The following GCSAML variants were observed in gnomAD, a reference collection of about 807,000 sequenced individuals.
GCSAML encodes the protein germinal center-associated signaling and motility-like protein.
A neutral mutation model predicts 13.0 loss-of-function variants in GCSAML; 9 were observed. The observed-to-expected ratio is 0.69, with a 90% CI of 0.42 to 1.21. The LOEUF (loss-of-function observed/expected upper bound fraction) is 1.21. Ranked by LOEUF, GCSAML falls within the 50% of genes most tolerant of loss-of-function variation. GCSAML has a pLI of 0.00. For missense variants in GCSAML, 143 were observed against 153.4 expected, an observed-to-expected ratio of 0.93 and a Z score of 0.36; for synonymous variants, 37 against 52.9, an observed-to-expected ratio of 0.70 and a Z score of 1.31.
At chr1:247,539,037 C>A (rs1232656686) in intron 2 of GCSAML, among the ~76,000 whole-genome samples, 1 of 152,162 alleles carries the variant, frequency 6.6e-6, no homozygotes, top group Non-Finnish European at 1.5e-5. Flanking sequence ...AAACCCATGG[C>A]ACCGTATGCC....
At chr1:247,509,921 T>C (rs910572955) in intron 1 of GCSAML, among the ~76,000 whole-genome samples, 1 of 152,190 alleles carries the variant, frequency 6.6e-6, no homozygotes, top group Non-Finnish European at 1.5e-5. Flanking sequence ...TTATTGAGGA[T>C]TTTTGCTTCG....
At chr1:247,541,292 G>A (rs1162885338) in intron 2 of GCSAML, among the ~76,000 whole-genome samples, 3 of 152,144 alleles carry the variant, frequency 2.0e-5, no homozygotes, top group Admixed American at 6.6e-5. Context: ...CAGCAACTGA[G>A]CTTCTCAGAA....
chr1:247,547,514 T>C (rs771917877), upstream of GCSAML, among the ~76,000 whole-genome samples: 3 of 152,240 alleles, frequency 2.0e-5, no homozygotes, highest in Non-Finnish European at 2.9e-5. Flanking sequence ...ATTTGAGGAT[T>C]AATGAGCTTA....
chr1:247,553,114 ATCT>A (rs1437153202), intron 1 of GCSAML, among the ~76,000 whole-genome samples: 2 of 152,050 alleles, frequency 1.3e-5, no homozygotes, highest in Non-Finnish European at 2.9e-5. Context: ...CTTTATTCAA[ATCT>A]TCTTTAATGC....
At chr1:247,573,109 C>T (rs1051592466) in intron 4 of GCSAML, among the ~76,000 whole-genome samples, 1 of 152,228 alleles carries the variant, frequency 6.6e-6, no homozygotes, top group Admixed American at 6.5e-5. Context: ...TGCTGGGCTC[C>T]ATGGTGGTGG....
chr1:247,560,905 C>T (rs557349412), intron 2 of GCSAML, among the ~76,000 whole-genome samples: 22 of 152,146 alleles, frequency 1.4e-4, no homozygotes, highest in Admixed American at 6.6e-4. Flanking sequence ...TATTTTATGA[C>T]TTTTCTCTCA....
chr1:247,531,555 T>A (rs752103895), intron 2 of GCSAML: 1 of 1,612,930 alleles, frequency 6.2e-7, no homozygotes, highest in African/African-American at 1.3e-5. Flanking sequence ...GTCTCTAAAT[T>A]TGCGCCAGCT....
Position 247,560,207 on chromosome 1 carries a change from A to G in GCSAML, c.90-3383A>G, listed in dbSNP as rs150179922. ...GGCTGGAGCCTCGGAACGACAGATA[A>G]CTGAGTGGCTGAATTCCCCATTCAC... On this transcript the variant is annotated intron_variant, in intron 2 of 4. Transcript: ENST00000366488. Among the ~76,000 whole-genome samples, 291 of 152,300 alleles carry G rather than the reference A, an allele frequency of 1.9e-3. 2 individuals carry two copies. The highest frequency in any genetic ancestry group is 6.6e-3 in the African/African-American group (274 of 41,554).
At chr1:247,549,302 G>A (rs1459519480) in intron 1 of GCSAML, 82 bp downstream of exon 1, 13 of 1,209,878 alleles carry the variant, frequency 1.1e-5, no homozygotes, top group South Asian at 3.9e-5. Flanking sequence ...ATTTGTAATG[G>A]TGAGGTACAT....
intron 1 of GCSAML, among the ~76,000 whole-genome samples, chr1:247,512,055 C>T (rs183571260): frequency 2.0e-4 from 31 of 152,234 alleles, no homozygotes; most frequent in Non-Finnish European, 3.5e-4. Context: ...GTTGGCCTGC[C>T]TTGCTAGGTT....
rs561585007 is a variant in GCSAML, at chr1:247,557,465, G to A, written c.89+999G>A. On this transcript the variant is annotated intron_variant, in intron 2 of 4. Coordinates refer to ENST00000366488, the MANE Select transcript of GCSAML (RefSeq NM_145278.5). Reference sequence around the variant, plus strand: ...CTTGTTGGTTAACTGTAGGCTTTTCGTATTCTTGCACTAAGCTCTTTTTTA... The same window carrying A: ...CTTGTTGGTTAACTGTAGGCTTTTCATATTCTTGCACTAAGCTCTTTTTTA... Among the ~76,000 whole-genome samples the A allele has an allele frequency of 5.8e-4, 88 of 152,234 alleles. 1 individual carries two copies. The highest frequency in any genetic ancestry group is 2.1e-3 in the African/African-American group (86 of 41,548).
rs1046023351 is a variant in GCSAML at position 247,556,488 on chromosome 1, G to GT, written c.89+29dup. 1.0e-5 allele frequency: 16 copies of GT among 1,566,442 alleles called. No homozygotes were observed. The Admixed American group carries it at 1.4e-4, about 14-fold the overall frequency. ...AACGGTAAGAACAGAGCATCTCAGA[G>GT]TTTTTTTGTTTTGTTTTGTTTTGTT... On this transcript the variant is annotated intron_variant, in intron 2 of 4. Coordinates refer to ENST00000366488, the MANE Select transcript of GCSAML (RefSeq NM_145278.5).
At chr1:247,543,802 T>G (rs1667483575) in intron 2 of GCSAML, among the ~76,000 whole-genome samples, 1 of 152,086 alleles carries the variant, frequency 6.6e-6, no homozygotes, top group African/African-American at 2.4e-5. Flanking sequence ...TAAAAAAATT[T>G]TTTTAGAGAC....
At chr1:247,550,034 A>G (rs1667712604) in intron 1 of GCSAML, among the ~76,000 whole-genome samples, 1 of 152,158 alleles carries the variant, frequency 6.6e-6, no homozygotes. Context: ...ATATGACTGG[A>G]CAAAAAGGGT....
At chr1:247,512,722 C>T (rs1357299398) in intron 1 of GCSAML, among the ~76,000 whole-genome samples, 4 of 152,058 alleles carry the variant, frequency 2.6e-5, no homozygotes, top group African/African-American at 4.8e-5. Context: ...TTGATGTTGA[C>T]GCTATTCCTT....
At chr1:247,550,167 G>C (rs1667717946) in intron 1 of GCSAML, among the ~76,000 whole-genome samples, 1 of 152,182 alleles carries the variant, frequency 6.6e-6, no homozygotes, top group African/African-American at 2.4e-5. Context: ...GGACTCTCTG[G>C]AATGGGGGCT....
At chr1:247,540,492 GC>G (rs1250920235) in intron 2 of GCSAML, among the ~76,000 whole-genome samples, 1 of 152,216 alleles carries the variant, frequency 6.6e-6, no homozygotes, top group Admixed American at 6.5e-5. Context: ...ACGTATTGAA[GC>G]ATTCTACATG....
At chr1:247,549,292 A>C in intron 1 of GCSAML, 72 bp downstream of exon 1, 1 of 1,302,316 alleles carries the variant, frequency 7.7e-7, no homozygotes, top group South Asian at 1.3e-5. Flanking sequence ...GACATAACGC[A>C]TTTGTAATGG....
At position 247,549,235 on chromosome 1, in the gene GCSAML, T is replaced by C; in HGVS notation, c.29+15T>C. 2 of 1,609,524 alleles carry C rather than the reference T, an allele frequency of 1.2e-6. No individual in the cohort carries two copies. Among genetic ancestry groups the C allele is most frequent in the Non-Finnish European group, 8.5e-7 (1 of 1,175,936 alleles). ...CGAAAACTCAGGTGAGTCTTGACTCTTGGTGCCGCCTTTCTTGGGAGAAAG... is the reference window on the plus strand; with the variant it reads ...CGAAAACTCAGGTGAGTCTTGACTCCTGGTGCCGCCTTTCTTGGGAGAAAG... On this transcript the variant is annotated intron_variant, in intron 1 of 4. Coordinates refer to ENST00000366488, the MANE Select transcript of GCSAML (RefSeq NM_145278.5).
Sources: gnomAD v4.1 joint callset for allele counts (sites outside exome capture counted in the v4.1 genomes callset) on GRCh38, gnomAD v4.1.1 for gene constraint, MANE v1.5 for transcripts, NCBI Gene and HGNC (gene_info 2026-07-23, HGNC 2026-07-21) for gene names.